Variants in GDA observed in about 807,000 individuals in gnomAD.
GDA encodes the protein guanine deaminase.
A neutral mutation model predicts 59.6 loss-of-function variants in GDA; 18 were observed. The ratio of observed to expected loss-of-function variants is 0.30; its 90% confidence interval spans 0.21 to 0.45. The LOEUF (loss-of-function observed/expected upper bound fraction) is 0.45. GDA is among the 20% of genes least tolerant of loss of function. The pLI is 1.00. For missense variants in GDA, 427 were observed against 552.3 expected (o/e 0.77, Z 2.27); for synonymous variants, 201 against 201.1 (o/e 1.00, Z 0.00).
intron 1 of GDA, among the ~76,000 whole-genome samples, chr9:72,152,862 G>T (rs1346822579): frequency 6.6e-6 from 1 of 152,132 alleles, no homozygotes; most frequent in Admixed American, 6.5e-5. Flanking sequence ...TGAAGTCCTT[G>T]CCCATGCCTA....
At chr9:72,189,262 C>G (rs903358485) in intron 1 of GDA, among the ~76,000 whole-genome samples, 1 of 146,478 alleles carries the variant, frequency 6.8e-6, no homozygotes, top group Non-Finnish European at 1.5e-5. Flanking sequence ...CTTACTGCAG[C>G]CTTGACCTCC....
At chr9:72,243,496 C>T (rs1839840684) in intron 11 of GDA, among the ~76,000 whole-genome samples, 1 of 152,128 alleles carries the variant, frequency 6.6e-6, no homozygotes, top group East Asian at 1.9e-4. Context: ...GTTTCTTTGT[C>T]AAGGGCAAAA....
intron 1 of GDA, among the ~76,000 whole-genome samples, chr9:72,118,006 C>T (rs1038389567): frequency 5.9e-5 from 9 of 152,068 alleles, no homozygotes; most frequent in African/African-American, 9.7e-5. Flanking sequence ...GGCGCGGTGG[C>T]TCACGCCTGT....
chr9:72,222,012 A>G (rs1275521080), intron 6 of GDA, among the ~76,000 whole-genome samples: 2 of 152,220 alleles, frequency 1.3e-5, no homozygotes, highest in East Asian at 3.8e-4. Context: ...ATAGTGCTAC[A>G]GTGAGTGTAT....
upstream of GDA, among the ~76,000 whole-genome samples, chr9:72,148,309 ATGTG>A (rs58161772): frequency 0.051 from 7,487 of 145,858 alleles, 271 homozygotes; most frequent in African/African-American, 0.098. Flanking sequence ...TGGTGTGTGT[ATGTG>A]TGTGTGTGTG....
rs71493640 is a variant in GDA at position 72,189,166 on chromosome 9, C to CTTTT, written c.124-6307_124-6304dup. Among the ~76,000 whole-genome samples, 280 of 54,924 alleles carry CTTTT rather than the reference C, an allele frequency of 5.1e-3. 68 individuals carry two copies. The highest frequency in any genetic ancestry group is 0.018 in the African/African-American group (161 of 8,726). The allele number at this position is 54,924 out of a possible 152,430, so 36.0% of individuals were successfully genotyped here. On this transcript the variant is annotated intron_variant, in intron 1 of 13. Coordinates refer to ENST00000358399, the MANE Select transcript of GDA (RefSeq NM_004293.5). Reference sequence around the variant, plus strand: ...CATCTGATACAGAGGAGACTCTAGACTTTTTTTTTTTTTTTTTTTTTTTTT... The same window carrying CTTTT: ...CATCTGATACAGAGGAGACTCTAGACTTTTTTTTTTTTTTTTTTTTTTTTTTTTT...
In GDA at chr9:72,251,425, C is replaced by T. The variant is rs982118470; in HGVS notation, c.*3083C>T. ...GGAAGGCACATTGTATCAATTCTAC[C>T]TTGTGCTATACGTAGGAGAGATCCA... On this transcript the variant is annotated 3_prime_UTR_variant, in exon 14 of 14. Transcript: ENST00000358399. 1 of 152,798 alleles carries T rather than the reference C, an allele frequency of 6.5e-6. No individual in the cohort carries two copies. Among genetic ancestry groups the T allele is most frequent in the East Asian group, 1.9e-4 (1 of 5,190 alleles). 9.5% of individuals were successfully genotyped at this position (152,798 alleles called of 1,614,324 possible).
In GDA at chr9:72,121,469, C is replaced by T. The variant is rs917819544; in HGVS notation, c.-100+6636C>T. 5.9e-5 allele frequency among the ~76,000 whole-genome samples: 9 copies of T among 152,178 alleles called. No individual in the cohort carries two copies. The East Asian group carries it at 9.7e-4, about 16-fold the overall frequency. On this transcript the variant is annotated intron_variant, in intron 1 of 13. Transcript: ENST00000545168. The stretch of plus-strand genomic sequence containing the variant: ...AAAATTAGCTGGGCGTGGTGGCAGG[C>T]GCCTGTAATCCCAGCTACTCGGGAG...
chr9:72,194,620 G>T (rs1471926886), intron 1 of GDA, among the ~76,000 whole-genome samples: 1 of 152,162 alleles, frequency 6.6e-6, no homozygotes, highest in Non-Finnish European at 1.5e-5. Flanking sequence ...ACCCCAATTT[G>T]TGTCTCAGGA....
upstream of GDA, among the ~76,000 whole-genome samples, chr9:72,147,219 G>GT (rs916278287): frequency 5.7e-4 from 87 of 152,034 alleles, no homozygotes; most frequent in African/African-American, 2.0e-3. Flanking sequence ...GTTTTGTTTT[G>GT]TTTTTTTGAG....
Position 72,250,645 on chromosome 9 carries a change from T to A in GDA, c.*2303T>A. 1 of 1,601,076 alleles carries A rather than the reference T, an allele frequency of 6.2e-7. No individual in the cohort carries two copies. The highest frequency in any genetic ancestry group is 2.2e-5 in the East Asian group (1 of 44,704). ...GGGCCAGATTTTCTGCACTTTGAAA[T>A]GTTGCCTTTGCCTAATGTAGGTTGA... On this transcript the variant is annotated 3_prime_UTR_variant, in exon 14 of 14. Coordinates refer to ENST00000358399, the MANE Select transcript of GDA (RefSeq NM_004293.5).
At chr9:72,166,967 A>T (rs748448190) in intron 1 of GDA, among the ~76,000 whole-genome samples, 1 of 152,210 alleles carries the variant, frequency 6.6e-6, no homozygotes, top group Non-Finnish European at 1.5e-5. Flanking sequence ...TCTACCAGAA[A>T]CTAAATTCTT....
At chr9:72,197,996 G>C (rs1168025980) in intron 2 of GDA, among the ~76,000 whole-genome samples, 2 of 152,172 alleles carry the variant, frequency 1.3e-5, no homozygotes, top group East Asian at 3.8e-4. Context: ...ATTAGGGTGA[G>C]GGGAGTGAGG....
At chr9:72,149,725 A>T in intron 1 of GDA, 43 bp downstream of exon 1, 2 of 1,557,184 alleles carry the variant, frequency 1.3e-6, no homozygotes, top group Non-Finnish European at 1.7e-6. Context: ...GGGCGGGAGG[A>T]TAGGTGCAAG....
At chr9:72,223,063 G>A in intron 6 of GDA, 57 bp from the exon 7 acceptor site, 3 of 900,952 alleles carry the variant, frequency 3.3e-6, no homozygotes, top group Non-Finnish European at 5.4e-6. Flanking sequence ...TCCATCTTGA[G>A]TTAATTTTTG....
At chr9:72,195,390 CT>C (rs1259490670) in intron 1 of GDA, 109 bp from the exon 2 acceptor site, 2 of 249,916 alleles carry the variant, frequency 8.0e-6, no homozygotes, top group Non-Finnish European at 7.3e-6. Flanking sequence ...TATCAAATAC[CT>C]TTTAACTCAG....
rs185648441 is a variant in GDA, at chr9:72,188,543, G to T, written c.124-6957G>T. Among the ~76,000 whole-genome samples, 154 of 152,346 alleles carry T rather than the reference G, an allele frequency of 1.0e-3. 1 individual carries two copies. The highest frequency in any genetic ancestry group is 3.5e-3 in the African/African-American group (145 of 41,578). On this transcript the variant is annotated intron_variant, in intron 1 of 13. Transcript: ENST00000358399. ...CAGGCATGCAGAATGCAAGATCTAT[G>T]GGGGCATGGCTTCATCCACCTAGAT... is the stretch of plus-strand genomic sequence containing the variant.
intron 1 of GDA, among the ~76,000 whole-genome samples, chr9:72,134,634 C>T (rs1293154666): frequency 6.6e-6 from 1 of 152,070 alleles, no homozygotes; most frequent in African/African-American, 2.4e-5. Flanking sequence ...GAACTCCTGA[C>T]CTCAGGTGAT....
At chr9:72,188,491 G>T (rs983663403) in intron 1 of GDA, among the ~76,000 whole-genome samples, 1 of 152,242 alleles carries the variant, frequency 6.6e-6, no homozygotes, top group African/African-American at 2.4e-5. Flanking sequence ...GGCAAATCTT[G>T]GTTGCATCCA....
Sources: allele counts gnomAD v4.1 joint callset (sites outside exome capture counted in the v4.1 genomes callset), GRCh38; gene constraint gnomAD v4.1.1; transcripts MANE v1.5; gene names NCBI Gene and HGNC (gene_info 2026-07-23, HGNC 2026-07-21).